SNCAIP: variants seen among roughly 807,000 people sequenced by gnomAD.
SNCAIP encodes the protein synuclein alpha interacting protein.
Under a neutral mutation model 86.7 loss-of-function variants are expected in SNCAIP, and 43 were observed. The observed-to-expected ratio is 0.50, with a 90% CI of 0.39 to 0.64. The LOEUF (loss-of-function observed/expected upper bound fraction) is 0.64. SNCAIP is among the 30% of genes least tolerant of loss of function. SNCAIP has a pLI of 0.00. For synonymous variants in SNCAIP, 417 were observed against 427.2 expected, an observed-to-expected ratio of 0.98 and a Z score of 0.29; for missense variants, 981 against 1,103.1, an observed-to-expected ratio of 0.89 and a Z score of 1.57.
At chr5:122,397,330 T>C (rs780787804) in intron 2 of SNCAIP, among the ~76,000 whole-genome samples, 7 of 152,144 alleles carry the variant, frequency 4.6e-5, no homozygotes, top group Non-Finnish European at 8.8e-5. Flanking sequence ...AAGGAGATCA[T>C]TCAATACTGT....
intron 5 of SNCAIP, among the ~76,000 whole-genome samples, chr5:122,425,750 G>GA (rs918003006): frequency 6.6e-6 from 1 of 152,196 alleles, no homozygotes; most frequent in African/African-American, 2.4e-5. Flanking sequence ...AAAGAGAAAG[G>GA]AAAATGATAT....
chr5:122,346,386 G>A (rs1758625834), intron 1 of SNCAIP, among the ~76,000 whole-genome samples: 1 of 151,974 alleles, frequency 6.6e-6, no homozygotes, highest in South Asian at 2.1e-4. Flanking sequence ...ACTCAAAAAT[G>A]TATTTGCTTT....
At chr5:122,333,276 A>G (rs1755752369) in intron 1 of SNCAIP, among the ~76,000 whole-genome samples, 1 of 152,216 alleles carries the variant, frequency 6.6e-6, no homozygotes, top group Non-Finnish European at 1.5e-5. Context: ...AAATTGAAAT[A>G]CCATAATGCG....
chr5:122,356,365 GC>G (rs1761018575), intron 1 of SNCAIP, among the ~76,000 whole-genome samples: 1 of 151,970 alleles, frequency 6.6e-6, no homozygotes, highest in African/African-American at 2.4e-5. Flanking sequence ...CAGTCCTTCT[GC>G]CCTGGCCTCC....
chr5:122,435,837 T>C (rs1779333454), intron 6 of SNCAIP, among the ~76,000 whole-genome samples: 1 of 152,156 alleles, frequency 6.6e-6, no homozygotes, highest in South Asian at 2.1e-4. Context: ...TTTGCTGTCA[T>C]AGGGAAGTAA....
chr5:122,359,714 CCTCA>C (rs991570385), intron 1 of SNCAIP, among the ~76,000 whole-genome samples: 8 of 152,036 alleles, frequency 5.3e-5, no homozygotes, highest in African/African-American at 1.9e-4. Flanking sequence ...ATTCACTATG[CCTCA>C]CTCCAGAAAG....
At chr5:122,380,747 T>C (rs928791389) in intron 1 of SNCAIP, among the ~76,000 whole-genome samples, 2 of 151,582 alleles carry the variant, frequency 1.3e-5, no homozygotes, top group African/African-American at 4.9e-5. Flanking sequence ...GGTGTCTTTG[T>C]TCTCGTTGGT....
intron 1 of SNCAIP, among the ~76,000 whole-genome samples, chr5:122,374,626 G>A (rs879878381): frequency 6.6e-6 from 1 of 152,098 alleles, no homozygotes; most frequent in African/African-American, 2.4e-5. Flanking sequence ...AGAGGAAACT[G>A]TGCGAGAAAC....
At chr5:122,450,457 G>A (rs1783489686) in intron 9 of SNCAIP, 76 bp from the exon 10 acceptor site, 2 of 982,010 alleles carry the variant, frequency 2.0e-6, no homozygotes, top group Admixed American at 3.4e-5. Context: ...ATTAGTGTCA[G>A]TAAAGACCAT....
chr5:122,316,179 A>G (rs1382489168), intron 1 of SNCAIP, among the ~76,000 whole-genome samples: 1 of 152,204 alleles, frequency 6.6e-6, no homozygotes. Flanking sequence ...AAGTTTCTTT[A>G]TGTGTATATC....
intron 7 of SNCAIP, 174 bp from the exon 8 acceptor site, chr5:122,444,389 T>C (rs1415256453): frequency 1.5e-6 from 1 of 677,862 alleles, no homozygotes; most frequent in East Asian, 2.7e-5. Context: ...TGAGCATTGA[T>C]AGTAGTAGGA....
chr5:122,371,384 G>A (rs1157559625), intron 1 of SNCAIP: 2 of 151,902 alleles, frequency 1.3e-5, no homozygotes, highest in South Asian at 4.1e-4. Context: ...GCTAACTACT[G>A]CTGAAAACAG....
chr5:122,431,347 A>G lies in SNCAIP; in HGVS notation c.1183-622A>G, dbSNP rs1024008656. On this transcript the variant is annotated intron_variant, in intron 5 of 10. Coordinates refer to ENST00000261368, the MANE Select transcript of SNCAIP (RefSeq NM_005460.4). ...TATCCCCTAAGTGGAAACAATCCACATATCTATCAATAAGTTATTGGATAA... is the reference window on the plus strand; with the variant it reads ...TATCCCCTAAGTGGAAACAATCCACGTATCTATCAATAAGTTATTGGATAA... Among the ~76,000 whole-genome samples the G allele has an allele frequency of 2.0e-4, 31 of 152,228 alleles. 1 individual carries two copies. Among genetic ancestry groups the G allele is most frequent in the Non-Finnish European group, 1.0e-4 (7 of 68,036 alleles).
chr5:122,345,960 T>A (rs1374787267), intron 1 of SNCAIP, among the ~76,000 whole-genome samples: 8 of 151,998 alleles, frequency 5.3e-5, no homozygotes, highest in African/African-American at 1.7e-4. Flanking sequence ...GCCTTCAGGA[T>A]TTTTTGGTAT....
intron 2 of SNCAIP, among the ~76,000 whole-genome samples, chr5:122,397,427 C>T (rs148907629): frequency 1.3e-5 from 2 of 152,010 alleles, no homozygotes; most frequent in Non-Finnish European, 2.9e-5. Context: ...TAGAGTAGTT[C>T]CTGATGCACT....
chr5:122,449,978 T>C (rs1783366055), intron 9 of SNCAIP, 41 bp downstream of exon 9: 1 of 1,336,462 alleles, frequency 7.5e-7, no homozygotes, highest in Admixed American at 1.7e-5. Flanking sequence ...TTAAGTATCC[T>C]AAATTGTTAA....
At chr5:122,455,182 G>A (rs1784499395) in intron 10 of SNCAIP, among the ~76,000 whole-genome samples, 1 of 152,172 alleles carries the variant, frequency 6.6e-6, no homozygotes, top group Non-Finnish European at 1.5e-5. Flanking sequence ...TCCATAGGAA[G>A]TGGAAACCTT....
chr5:122,374,050 G>A (rs1424534704), intron 1 of SNCAIP, among the ~76,000 whole-genome samples: 1 of 152,130 alleles, frequency 6.6e-6, no homozygotes, highest in African/African-American at 2.4e-5. Flanking sequence ...AAACAAGCAG[G>A]TAGAGTTTTT....
At chr5:122,315,990 T>A (rs1056338026) in intron 1 of SNCAIP, among the ~76,000 whole-genome samples, 15 of 152,124 alleles carry the variant, frequency 9.9e-5, no homozygotes, top group African/African-American at 3.4e-4. Flanking sequence ...TGATTGTGCT[T>A]TTGTAAGAAA....
Sources: gnomAD v4.1 joint callset for allele counts (sites outside exome capture counted in the v4.1 genomes callset) on GRCh38, gnomAD v4.1.1 for gene constraint, MANE v1.5 for transcripts, NCBI Gene and HGNC (gene_info 2026-07-23, HGNC 2026-07-21) for gene names.